The following FMN2 variants were observed in gnomAD, a reference collection of about 807,000 sequenced individuals.
FMN2 encodes the protein formin 2.
FMN2 carries 51 observed loss-of-function variants against 142.3 expected under a neutral mutation model. The ratio of observed to expected loss-of-function variants is 0.36; its 90% CI spans 0.29 to 0.45. FMN2 has a LOEUF of 0.45. Among genes scored for constraint, FMN2 ranks in the 20% least tolerant of loss-of-function variants. The probability of loss-of-function intolerance (pLI) is 1.00; values close to 1 mark genes in which losing one functional copy is unlikely to be tolerated. For missense variants in FMN2, 1,936 were observed against 2,122.8 expected, an observed-to-expected ratio of 0.91 and a Z score of 1.73; for synonymous variants, 882 against 869.8, an observed-to-expected ratio of 1.01 and a Z score of -0.25.
intron 2 of FMN2, chr1:240,144,746 A>G (rs1663362269): frequency 7.4e-7 from 1 of 1,345,206 alleles, no homozygotes; most frequent in South Asian, 1.2e-5. Context: ...CACCTGCTCA[A>G]TTTCCATAAG....
intron 14 of FMN2, among the ~76,000 whole-genome samples, chr1:240,369,764 A>T (rs1224284924): frequency 6.6e-6 from 1 of 151,982 alleles, no homozygotes; most frequent in Non-Finnish European, 1.5e-5. Flanking sequence ...TTCCCTCAGG[A>T]TCTTTTATGT....
At chr1:240,186,331 C>A (rs1367405327) in intron 3 of FMN2, among the ~76,000 whole-genome samples, 1 of 152,100 alleles carries the variant, frequency 6.6e-6, no homozygotes, top group Non-Finnish European at 1.5e-5. Flanking sequence ...AATTACTCAA[C>A]AAATATTTTA....
chr1:240,184,630 T>C (rs61830693), intron 3 of FMN2, among the ~76,000 whole-genome samples: 11,135 of 151,756 alleles, frequency 0.073, 426 homozygotes, highest in African/African-American at 0.095. Context: ...AGGTTAGTCT[T>C]TGAAAATAAT....
chr1:240,149,942 G>C (rs1054296411), intron 2 of FMN2, among the ~76,000 whole-genome samples: 5 of 151,944 alleles, frequency 3.3e-5, no homozygotes, highest in Admixed American at 1.3e-4. Context: ...AAACAAATAT[G>C]GTTATAGTTA....
intron 1 of FMN2, among the ~76,000 whole-genome samples, chr1:240,119,314 G>T (rs548046657): frequency 4.0e-4 from 59 of 148,474 alleles, no homozygotes; most frequent in African/African-American, 1.4e-3. Context: ...AGGCGACAGG[G>T]CGAGACTCCA....
chr1:240,419,423 A>G (rs1674690175), intron 15 of FMN2, among the ~76,000 whole-genome samples: 1 of 152,154 alleles, frequency 6.6e-6, no homozygotes, highest in South Asian at 2.1e-4. Flanking sequence ...GGCAAAAAAA[A>G]AAGTGTGAGG....
At chr1:240,391,881 T>C (rs2103097418) in intron 14 of FMN2, among the ~76,000 whole-genome samples, 1 of 152,296 alleles carries the variant, frequency 6.6e-6, no homozygotes, top group Admixed American at 6.5e-5. Flanking sequence ...CTTATGTTAT[T>C]TTAAGCAGTT....
intron 16 of FMN2, among the ~76,000 whole-genome samples, chr1:240,470,045 C>T (rs1395583427): frequency 6.6e-6 from 1 of 151,758 alleles, no homozygotes; most frequent in Admixed American, 6.6e-5. Flanking sequence ...GTGATCCTTA[C>T]AAAAATGTGT....
intron 16 of FMN2, 35 bp from the exon 17 acceptor site, chr1:240,472,337 G>A (rs758703937): frequency 1.3e-6 from 2 of 1,535,774 alleles, no homozygotes; most frequent in South Asian, 1.2e-5. Flanking sequence ...ATCTAAGTAG[G>A]TTTTGTTTAA....
chr1:240,316,360 A>T (rs1249898454), intron 8 of FMN2, among the ~76,000 whole-genome samples: 2 of 152,184 alleles, frequency 1.3e-5, no homozygotes, highest in African/African-American at 4.8e-5. Flanking sequence ...CAGCAGATGG[A>T]GCAGTATGAT....
chr1:240,140,783 A>G (rs975375779), intron 2 of FMN2, among the ~76,000 whole-genome samples: 1 of 152,208 alleles, frequency 6.6e-6, no homozygotes, highest in Non-Finnish European at 1.5e-5. Flanking sequence ...AATTATTTCA[A>G]GCCATGTGTC....
chr1:240,211,283 G>A (rs552905348), intron 6 of FMN2, 48 bp downstream of exon 6: 8 of 1,568,218 alleles, frequency 5.1e-6, no homozygotes, highest in African/African-American at 1.4e-5. Flanking sequence ...TCTGGCATAA[G>A]TGTGAACTGT....
rs1666674142 is a variant in FMN2, at chr1:240,211,109, T to A, written c.3939T>A (p.Leu1313=). The stretch of plus-strand genomic sequence containing the variant: ...ATTTTAGAGACTCCAGTACTTCACT[T>A]ATTTGGGAAAAAATTGAAGAGCCAT... The part of the protein sequence containing the change: ...LHSKRDSSTS[L]IWEKIEEPSI... The change falls in exon 6 of 18, where the codon CTT becomes CTA. Residue 1313 remains leucine (L), a synonymous_variant. Coordinates refer to ENST00000319653, the MANE Select transcript of FMN2 (RefSeq NM_020066.5). The A allele has an allele frequency of 6.2e-7, 1 of 1,612,298 alleles. No homozygotes were observed. Among genetic ancestry groups the A allele is most frequent in the Non-Finnish European group, 8.5e-7 (1 of 1,179,768 alleles).
rs1676867502 is a variant in FMN2, at chr1:240,473,192, C to G, written c.5142+739C>G. Among the ~76,000 whole-genome samples, 1 of 152,030 alleles carries G rather than the reference C, an allele frequency of 6.6e-6. No individual in the cohort carries two copies. The highest frequency in any genetic ancestry group is 2.4e-5 in the African/African-American group (1 of 41,404). On this transcript the variant is annotated intron_variant, in intron 17 of 17. Transcript: ENST00000319653. The surrounding 1 kb of genome is among the most constrained non-coding windows in gnomAD (Gnocchi z 4.3). ...GACGCTTTGCCCAGGGTGCCCAGACCCCGTTTATATCCACAGATGGCTCGG... is the reference window on the plus strand; with the variant it reads ...GACGCTTTGCCCAGGGTGCCCAGACGCCGTTTATATCCACAGATGGCTCGG...
intron 6 of FMN2, among the ~76,000 whole-genome samples, chr1:240,251,874 G>A (rs1368709916): frequency 9.2e-5 from 14 of 152,096 alleles, no homozygotes; most frequent in Admixed American, 3.3e-4. Flanking sequence ...GCAAATTCAA[G>A]TCATTTCCTT....
intron 1 of FMN2, among the ~76,000 whole-genome samples, chr1:240,116,138 G>C (rs1662013502): frequency 6.6e-6 from 1 of 152,172 alleles, no homozygotes; most frequent in African/African-American, 2.4e-5. Context: ...GGTGGGTTTT[G>C]GCTAGCTTCT....
chr1:240,115,314 A>G (rs2103202918), intron 1 of FMN2, among the ~76,000 whole-genome samples: 1 of 152,162 alleles, frequency 6.6e-6, no homozygotes, highest in East Asian at 1.9e-4. Flanking sequence ...ACTATTAATA[A>G]TCTATTTGTT....
At chr1:240,177,725 GA>G in intron 2 of FMN2, 195 bp from the exon 3 acceptor site, 1 of 388,510 alleles carries the variant, frequency 2.6e-6, no homozygotes, top group Non-Finnish European at 4.3e-6. Context: ...TGGTTATAAA[GA>G]TAAAATGACT....
At chr1:240,460,516 C>T (rs943256604) in intron 16 of FMN2, among the ~76,000 whole-genome samples, 6 of 151,930 alleles carry the variant, frequency 3.9e-5, no homozygotes, top group Admixed American at 2.6e-4. Flanking sequence ...CGCTTAAACC[C>T]CAGTGAGACA....
Sources: allele counts gnomAD v4.1 joint callset (sites outside exome capture counted in the v4.1 genomes callset), GRCh38; gene constraint gnomAD v4.1.1; non-coding constraint Gnocchi (gnomAD v3.1); transcripts MANE v1.5; gene names NCBI Gene and HGNC (gene_info 2026-07-23, HGNC 2026-07-21).